Variants in ANO2 observed in about 807,000 individuals in gnomAD.
ANO2 encodes anoctamin-2.
A neutral mutation model predicts 124.2 loss-of-function variants in ANO2; 101 were observed. The observed-to-expected ratio is 0.81, with a 90% CI of 0.69 to 0.96. The LOEUF (loss-of-function observed/expected upper bound fraction) is 0.96, where lower values mean the gene tolerates loss of function less well. Among genes scored for constraint, ANO2 ranks in the 40% least tolerant of loss-of-function variants. ANO2 has a pLI of 0.00. For synonymous variants in ANO2, 486 were observed against 482.5 expected (o/e 1.01, Z -0.09); for missense variants, 1,293 against 1,274.5 (o/e 1.01, Z -0.22).
intron 4 of ANO2, among the ~76,000 whole-genome samples, chr12:5,845,977 A>T (rs1954674169): frequency 6.6e-6 from 1 of 152,256 alleles, no homozygotes; most frequent in African/African-American, 2.4e-5. Context: ...TACTTATAAG[A>T]CTTTTGATCT....
intron 14 of ANO2, among the ~76,000 whole-genome samples, chr12:5,702,769 G>A (rs763845665): frequency 2.6e-5 from 4 of 152,076 alleles, no homozygotes; most frequent in Admixed American, 6.5e-5. Context: ...CATACAAATC[G>A]AAGAGAAAAG....
At chr12:5,722,620 T>C (rs578210135) in intron 14 of ANO2, among the ~76,000 whole-genome samples, 3 of 152,354 alleles carry the variant, frequency 2.0e-5, no homozygotes, top group South Asian at 2.1e-4. Context: ...AAGAAATGTT[T>C]AGTAATTCCA....
At chr12:5,918,769 G>A (rs1941526657) in intron 3 of ANO2, among the ~76,000 whole-genome samples, 1 of 152,164 alleles carries the variant, frequency 6.6e-6, no homozygotes, top group Non-Finnish European at 1.5e-5. Context: ...AACTTCTGAT[G>A]AAAATGGCAC....
At chr12:5,667,119 T>C (rs1345577712) in intron 14 of ANO2, among the ~76,000 whole-genome samples, 1 of 152,212 alleles carries the variant, frequency 6.6e-6, no homozygotes, top group East Asian at 1.9e-4. Flanking sequence ...TGCTGCTTTC[T>C]GGGACCCCAC....
chr12:5,861,338 A>C (rs1591709285), intron 3 of ANO2, among the ~76,000 whole-genome samples: 1 of 152,258 alleles, frequency 6.6e-6, no homozygotes, highest in East Asian at 1.9e-4. Flanking sequence ...CTAGGGAGTG[A>C]GGGAAGAAGG....
chr12:5,569,744 G>A (rs967059465), intron 23 of ANO2, among the ~76,000 whole-genome samples: 2 of 152,118 alleles, frequency 1.3e-5, no homozygotes, highest in Non-Finnish European at 2.9e-5. Context: ...CTGCTTGTGT[G>A]TATACCTTGC....
chr12:5,818,160 G>A (rs945640369), intron 7 of ANO2, among the ~76,000 whole-genome samples: 2 of 21,964 alleles, frequency 9.1e-5, no homozygotes, highest in African/African-American at 2.3e-4. Context: ...GTGTGTCTGT[G>A]AGGGTGTTGC....
intron 16 of ANO2, among the ~76,000 whole-genome samples, chr12:5,626,063 A>T (rs1290231434): frequency 6.6e-6 from 1 of 152,126 alleles, no homozygotes; most frequent in Non-Finnish European, 1.5e-5. Flanking sequence ...CCACTTCCTT[A>T]GTAAAAGAAG....
chr12:5,649,750 A>AC (rs1179615510), intron 14 of ANO2, among the ~76,000 whole-genome samples: 1 of 151,960 alleles, frequency 6.6e-6, no homozygotes, highest in Non-Finnish European at 1.5e-5. Flanking sequence ...GACTACAGGC[A>AC]CATGCCACGA....
intron 14 of ANO2, among the ~76,000 whole-genome samples, chr12:5,655,903 G>T (rs1443381943): frequency 6.6e-6 from 1 of 152,088 alleles, no homozygotes; most frequent in Non-Finnish European, 1.5e-5. Flanking sequence ...AGTAAGAAGA[G>T]AACAGTGTGA....
intron 13 of ANO2, among the ~76,000 whole-genome samples, chr12:5,733,547 C>T (rs920857708): frequency 1.3e-5 from 2 of 152,218 alleles, no homozygotes; most frequent in Admixed American, 6.5e-5. Context: ...TCACAATGGG[C>T]TCTGCCATTC....
At chr12:5,673,015 A>G (rs2041669351) in intron 14 of ANO2, among the ~76,000 whole-genome samples, 1 of 152,176 alleles carries the variant, frequency 6.6e-6, no homozygotes, top group African/African-American at 2.4e-5. Context: ...CTATGTCTCC[A>G]TCTGCCCAGG....
At chr12:5,927,803 G>A (rs1942154234) in intron 1 of ANO2, among the ~76,000 whole-genome samples, 2 of 152,234 alleles carry the variant, frequency 1.3e-5, no homozygotes, top group African/African-American at 4.8e-5. Flanking sequence ...ATGGCTGAGA[G>A]GCAGAAGTTC....
At chr12:5,665,097 C>A (rs570330607) in intron 14 of ANO2, among the ~76,000 whole-genome samples, 3 of 152,240 alleles carry the variant, frequency 2.0e-5, no homozygotes, top group African/African-American at 4.8e-5. Flanking sequence ...CCGTGACATT[C>A]TTCTTCCACA....
intron 14 of ANO2, among the ~76,000 whole-genome samples, chr12:5,691,366 GA>G (rs1312426106): frequency 2.1e-5 from 3 of 145,210 alleles, no homozygotes; most frequent in Non-Finnish European, 3.0e-5. Flanking sequence ...AGAAGAAAAA[GA>G]AAAAAAGAAA....
chr12:5,823,417 G>C (rs1370458392), intron 7 of ANO2, among the ~76,000 whole-genome samples: 1 of 152,160 alleles, frequency 6.6e-6, no homozygotes, highest in Non-Finnish European at 1.5e-5. Flanking sequence ...GGGAGAAATT[G>C]ACCAAAACAA....
chr12:5,653,073 C>A (rs1279885143), intron 14 of ANO2, among the ~76,000 whole-genome samples: 2 of 152,172 alleles, frequency 1.3e-5, no homozygotes, highest in African/African-American at 4.8e-5. Context: ...GCAGGTTACT[C>A]CCAACCCTAA....
chr12:5,820,586 G>A (rs999441305), intron 7 of ANO2, among the ~76,000 whole-genome samples: 2 of 152,172 alleles, frequency 1.3e-5, no homozygotes, highest in Non-Finnish European at 2.9e-5. Flanking sequence ...ACTATGGTGG[G>A]AAAGGTCAAA....
intron 3 of ANO2, among the ~76,000 whole-genome samples, chr12:5,889,871 G>A (rs555311538): frequency 1.3e-5 from 2 of 152,368 alleles, no homozygotes; most frequent in African/African-American, 4.8e-5. Flanking sequence ...ACCTCCTGGT[G>A]GCCTGGAGGA....
Sources: allele counts gnomAD v4.1 joint callset (sites outside exome capture counted in the v4.1 genomes callset), GRCh38; gene constraint gnomAD v4.1.1; transcripts MANE v1.5; gene names NCBI Gene and HGNC (gene_info 2026-07-23, HGNC 2026-07-21).